Variants in AFG1L observed in about 807,000 individuals in gnomAD.
AFG1L encodes AFG1 like ATPase, also known as AFG1-like ATPase.
AFG1L carries 53 observed loss-of-function variants against 62.2 expected under a neutral mutation model. That is an observed-to-expected ratio of 0.85 (90% confidence interval 0.68 to 1.07). The LOEUF (loss-of-function observed/expected upper bound fraction) is 1.07, where lower values mean the gene tolerates loss of function less well. AFG1L is among the 50% of genes least tolerant of loss of function. The pLI is 0.00. For missense variants in AFG1L, 555 were observed against 590.5 expected (o/e 0.94, Z 0.62); for synonymous variants, 228 against 210.3 (o/e 1.08, Z -0.73).
intron 6 of AFG1L, among the ~76,000 whole-genome samples, chr6:108,398,415 C>T (rs1283556): frequency 0.022 from 3,384 of 152,208 alleles, 118 homozygotes; most frequent in African/African-American, 0.074. Flanking sequence ...TGTCTCTTCA[C>T]TTTGCCAGCT....
chr6:108,477,073 CT>C, intron 9 of AFG1L, 118 bp from the exon 10 acceptor site: 1 of 1,019,702 alleles, frequency 9.8e-7, no homozygotes, highest in Non-Finnish European at 1.5e-6. Context: ...AGCATTTTGT[CT>C]AATTTATGTG....
intron 1 of AFG1L, among the ~76,000 whole-genome samples, chr6:108,316,107 C>T (rs1388059728): frequency 2.0e-5 from 3 of 151,944 alleles, no homozygotes; most frequent in Admixed American, 1.3e-4. Flanking sequence ...GTTGGCCGGG[C>T]GCGGTGGCTG....
chr6:108,349,043 A>G lies in AFG1L; in HGVS notation c.415+2004A>G, dbSNP rs547468989. ...AAAGCAATAGAAAAGATGTGATAGTATGGGATGTTCATATAGTTTGGGTAG... is the reference window on the plus strand; with the variant it reads ...AAAGCAATAGAAAAGATGTGATAGTGTGGGATGTTCATATAGTTTGGGTAG... On this transcript the variant is annotated intron_variant, in intron 3 of 12. Transcript: ENST00000368977. Among the ~76,000 whole-genome samples, 9 of 152,346 alleles carry G rather than the reference A, an allele frequency of 5.9e-5. No individual in the cohort carries two copies. The South Asian group carries it at 1.7e-3, about 28-fold the overall frequency.
chr6:108,345,884 G>A (rs1446783874), intron 2 of AFG1L, among the ~76,000 whole-genome samples: 1 of 152,202 alleles, frequency 6.6e-6, no homozygotes, highest in Non-Finnish European at 1.5e-5. Flanking sequence ...AGCTTAACCA[G>A]TGTAAGTGCC....
At chr6:108,313,069 A>G (rs1336703748) in intron 1 of AFG1L, among the ~76,000 whole-genome samples, 1 of 152,146 alleles carries the variant, frequency 6.6e-6, no homozygotes, top group Non-Finnish European at 1.5e-5. Context: ...GCCAGAAGCT[A>G]ACTTCCCCAT....
At chr6:108,507,834 T>C (rs1405033000) in intron 10 of AFG1L, among the ~76,000 whole-genome samples, 2 of 152,208 alleles carry the variant, frequency 1.3e-5, no homozygotes, top group East Asian at 3.8e-4. Context: ...CTTTCGGGGA[T>C]TGTTTTCACT....
intron 11 of AFG1L, among the ~76,000 whole-genome samples, chr6:108,515,815 G>C (rs1195443719): frequency 1.3e-5 from 2 of 151,888 alleles, no homozygotes; most frequent in African/African-American, 2.4e-5. Flanking sequence ...ATGATAAAGG[G>C]GATATCACCA....
At chr6:108,430,046 C>T (rs1018277648) in intron 7 of AFG1L, among the ~76,000 whole-genome samples, 1 of 151,970 alleles carries the variant, frequency 6.6e-6, no homozygotes, top group African/African-American at 2.4e-5. Context: ...CTCCTGGGTT[C>T]AAGCAGTTCT....
intron 10 of AFG1L, among the ~76,000 whole-genome samples, chr6:108,497,410 A>G (rs1418577228): frequency 6.6e-6 from 1 of 151,940 alleles, no homozygotes; most frequent in African/African-American, 2.4e-5. Flanking sequence ...TGTCTATTCA[A>G]ATTCTATATT....
chr6:108,504,362 T>C (rs960358476), intron 10 of AFG1L, among the ~76,000 whole-genome samples: 18 of 152,164 alleles, frequency 1.2e-4, no homozygotes, highest in African/African-American at 4.3e-4. Flanking sequence ...TTTAATGTTG[T>C]TGTATCTCAG....
intron 2 of AFG1L, among the ~76,000 whole-genome samples, chr6:108,339,837 ATG>A (rs1562094185): frequency 6.6e-6 from 1 of 152,160 alleles, no homozygotes; most frequent in Non-Finnish European, 1.5e-5. Context: ...CAGGCTTGCA[ATG>A]TGAAATAATC....
chr6:108,295,122 G>C lies in AFG1L; in HGVS notation c.43G>C (p.Ala15Pro). Residue 15 changes from alanine (A) to proline (P), a missense_variant, in exon 1 of 13, where the codon GCA becomes CCA. Coordinates refer to ENST00000368977, the MANE Select transcript of AFG1L (RefSeq NM_145315.5). The stretch of plus-strand genomic sequence containing the variant: ...GCTCTTGGTTACCCTGCGCCCCTTA[G>C]CACAGAGCCCGCTGAGAGGGAGATG... ...WSLLVTLRPL[A>P]QSPLRGRCVG... The C allele has an allele frequency of 6.2e-7, 1 of 1,611,400 alleles. No individual in the cohort carries two copies. The highest frequency in any genetic ancestry group is 8.5e-7 in the Non-Finnish European group (1 of 1,179,994).
intron 7 of AFG1L, 119 bp downstream of exon 7, chr6:108,402,173 A>C: frequency 2.0e-6 from 1 of 510,414 alleles, no homozygotes. Context: ...TTTAGATAGT[A>C]ATAGTCAGGG....
chr6:108,448,355 T>C (rs1270166813), intron 8 of AFG1L, among the ~76,000 whole-genome samples: 3 of 152,168 alleles, frequency 2.0e-5, no homozygotes, highest in African/African-American at 4.8e-5. Flanking sequence ...GATATTTTAT[T>C]TTTCTAATAT....
chr6:108,445,882 A>G (rs1003712905), intron 7 of AFG1L, among the ~76,000 whole-genome samples: 1 of 152,184 alleles, frequency 6.6e-6, no homozygotes, highest in Non-Finnish European at 1.5e-5. Flanking sequence ...AATTACCAAA[A>G]TGTGATACAG....
At chr6:108,416,527 A>G (rs1038291884) in intron 7 of AFG1L, among the ~76,000 whole-genome samples, 2 of 152,246 alleles carry the variant, frequency 1.3e-5, no homozygotes, top group East Asian at 1.9e-4. Flanking sequence ...ACCAACCCAA[A>G]TGTCCATCAA....
At chr6:108,307,933 A>G (rs1260357496) in intron 1 of AFG1L, among the ~76,000 whole-genome samples, 1 of 152,112 alleles carries the variant, frequency 6.6e-6, no homozygotes, top group African/African-American at 2.4e-5. Context: ...TTAAGGTTGA[A>G]TACTTTTTTA....
intron 10 of AFG1L, among the ~76,000 whole-genome samples, chr6:108,506,515 C>T (rs917793108): frequency 5.3e-5 from 8 of 151,984 alleles, no homozygotes; most frequent in African/African-American, 1.5e-4. Context: ...GGCTTCCTCC[C>T]GTATTCTTTA....
chr6:108,351,110 A>G lies in AFG1L; in HGVS notation c.415+4071A>G, dbSNP rs141476159. ...ATATGGGATGCCTGTTTGACCATGA[A>G]TGGACTGGAAGTTGCTCTGAATGAA... On this transcript the variant is annotated intron_variant, in intron 3 of 12. Coordinates refer to ENST00000368977, the MANE Select transcript of AFG1L (RefSeq NM_145315.5). Among the ~76,000 whole-genome samples, 16 of 152,332 alleles carry G rather than the reference A, an allele frequency of 1.1e-4. 1 individual carries two copies. In the East Asian group the frequency reaches 2.9e-3, roughly 27 times the overall value.
Sources: allele counts gnomAD v4.1 joint callset (sites outside exome capture counted in the v4.1 genomes callset), GRCh38; gene constraint gnomAD v4.1.1; transcripts MANE v1.5; gene names NCBI Gene and HGNC (gene_info 2026-07-23, HGNC 2026-07-21).